CIC: variants seen among roughly 807,000 people sequenced by gnomAD.
CIC encodes capicua transcriptional repressor, also known as protein capicua homolog.
Under a neutral mutation model 115.7 loss-of-function variants are expected in CIC, and 18 were observed. That is an observed-to-expected ratio of 0.16 (90% CI 0.11 to 0.23). CIC has a LOEUF of 0.23. CIC is among the 10% of genes least tolerant of loss of function. The pLI is 1.00. For missense variants in CIC, 2,000 were observed against 2,159.3 expected (o/e 0.93, Z 1.46); for synonymous variants, 1,076 against 923.0 (o/e 1.17, Z -3.01).
In CIC at chr19:42,291,586, G is replaced by C. The variant is rs756766878; in HGVS notation, c.5454G>C (p.Pro1818=). Residue 1818 remains proline (P), a synonymous_variant, in exon 12 of 21, where the codon CCG becomes CCC. Coordinates refer to ENST00000681038, the MANE Select transcript of CIC (RefSeq NM_001386298.1). ...AGTCAGTTTCTCCCGTGCAGGCCCC[G>C]CCCCCGGGTGGCTCAGCCCAGCTGC... ...KAQSVSPVQA[P]PPGGSAQLLP... 4 of 1,612,934 alleles carry C rather than the reference G, an allele frequency of 2.5e-6. No individual in the cohort carries two copies. The highest frequency in any genetic ancestry group is 1.3e-5 in the African/African-American group (1 of 75,002).
intron 2 of CIC, among the ~76,000 whole-genome samples, chr19:42,276,151 G>C (rs535164279): frequency 6.6e-6 from 1 of 152,356 alleles, no homozygotes; most frequent in Non-Finnish European, 1.5e-5. Context: ...TCTTCAGGCA[G>C]AGGAAAGAGT....
chr19:42,294,252 C>T lies in CIC; in HGVS notation c.7002C>T (p.Asn2334=), dbSNP rs1174009516. 2.5e-6 allele frequency: 4 copies of T among 1,613,774 alleles called. No individual in the cohort carries two copies. The highest frequency in any genetic ancestry group is 1.6e-4 in the Middle Eastern group (1 of 6,062). ...RRRSSCSSEP[N]TPKSAKCEGD... ...GCTCCAGCTGCAGCTCGGAGCCCAA[C>T]ACCCCCAAGAGTGCCAAGTGCGAGG... Residue 2334 remains asparagine (N), a synonymous_variant, in exon 19 of 21, where the codon AAC becomes AAT. Coordinates refer to ENST00000681038, the MANE Select transcript of CIC (RefSeq NM_001386298.1).
chr19:42,287,766 G>C lies in CIC; in HGVS notation c.3492+39G>C. The C allele has an allele frequency of 2.5e-6, 4 of 1,614,130 alleles. No individual in the cohort carries two copies. Among genetic ancestry groups the C allele is most frequent in the Non-Finnish European group, 2.5e-6 (3 of 1,180,016 alleles). On this transcript the variant is annotated intron_variant, in intron 6 of 20. Coordinates refer to ENST00000681038, the MANE Select transcript of CIC (RefSeq NM_001386298.1). The surrounding 1 kb of genome is among the most constrained non-coding windows in gnomAD (Gnocchi z 8.7). The stretch of plus-strand genomic sequence containing the variant: ...CTCTTGGCTCCTCCCAGCTTCTTCT[G>C]GTGGGGTGGGTGAGTGAAGGGTTGC...
chr19:42,292,923 G>T (rs767940946), intron 15 of CIC, 33 bp from the exon 16 acceptor site: 7 of 1,613,900 alleles, frequency 4.3e-6, no homozygotes, highest in Middle Eastern at 1.6e-4. Flanking sequence ...CTCCAGTCAG[G>T]CCTGGCTCAG....
intron 12 of CIC, 53 bp downstream of exon 12, chr19:42,291,798 C>A: frequency 6.3e-7 from 1 of 1,598,344 alleles, no homozygotes; most frequent in Non-Finnish European, 8.6e-7. Flanking sequence ...TGTACCCCAT[C>A]ATTTCTTTGT....
rs768827388 is a variant in CIC at position 42,291,594 on chromosome 19, G to A, written c.5462G>A (p.Gly1821Asp). Residue 1821 changes from glycine (G) to aspartate (D), a missense_variant, in exon 12 of 21, where the codon GGT (glycine) becomes GAT (aspartate). Around this residue, in one of 8 missense-constraint regions of CIC, gnomAD observed 1,466 missense variants for 1,390.4 expected, o/e 1.05. Coordinates refer to ENST00000681038, the MANE Select transcript of CIC (RefSeq NM_001386298.1). ...SVSPVQAPPP[G>D]GSAQLLPGKV... ...TCTCCCGTGCAGGCCCCGCCCCCGG[G>A]TGGCTCAGCCCAGCTGCTGCCTGGG... 7 of 1,613,002 alleles carry A rather than the reference G, an allele frequency of 4.3e-6. No individual in the cohort carries two copies. The highest frequency in any genetic ancestry group is 5.9e-6 in the Non-Finnish European group (7 of 1,179,984).
At position 42,287,984 on chromosome 19, in the gene CIC, G is replaced by T. The variant is rs749161765; in HGVS notation, c.3658+9G>T. The T allele has an allele frequency of 6.3e-7, 1 of 1,581,824 alleles. No homozygotes were observed. The highest frequency in any genetic ancestry group is 1.3e-5 in the African/African-American group (1 of 74,598). Reference sequence around the variant, plus strand: ...TGCTGCTGCCCCTGGGGGTTAGTCAGCCCCTTGGCTCTCCCACCCTGCCAC... The same window carrying T: ...TGCTGCTGCCCCTGGGGGTTAGTCATCCCCTTGGCTCTCCCACCCTGCCAC... On this transcript the variant is annotated intron_variant, in intron 7 of 20. Coordinates refer to ENST00000681038, the MANE Select transcript of CIC (RefSeq NM_001386298.1). This position sits in a 1 kb window ranked among gnomAD's most constrained non-coding sequence, Gnocchi z 8.7.
intron 10 of CIC, 47 bp downstream of exon 10, chr19:42,289,998 C>A: frequency 6.7e-7 from 1 of 1,497,558 alleles, no homozygotes; most frequent in South Asian, 1.2e-5. Context: ...CCCTCCTAAG[C>A]CATGGGAATG....
chr19:42,283,821 C>T (rs2037386140), intron 2 of CIC, among the ~76,000 whole-genome samples: 1 of 152,080 alleles, frequency 6.6e-6, no homozygotes, highest in African/African-American at 2.4e-5. Context: ...CCTACCGCGG[C>T]CCCGCCCCCG....
At chr19:42,288,850 GCTTA>G in intron 7 of CIC, 34 bp from the exon 8 acceptor site, 16 of 1,576,758 alleles carry the variant, frequency 1.0e-5, no homozygotes, top group Non-Finnish European at 1.2e-5. Flanking sequence ...CTGGTGACAG[GCTTA>G]CTGACTGTCA....
chr19:42,290,579 A>G lies in CIC; in HGVS notation c.4538A>G (p.Glu1513Gly), dbSNP rs766168279. 6.2e-7 allele frequency: 1 copy of G among 1,613,682 alleles called. No homozygotes were observed. Among genetic ancestry groups the G allele is most frequent in the East Asian group, 2.2e-5 (1 of 44,850 alleles). Residue 1513 changes from glutamate to glycine, a missense_variant, in exon 11 of 21, where the codon GAA becomes GGA. Physicochemically the swap from Glu to Gly is moderately conservative, Grantham distance 98. Coordinates refer to ENST00000681038, the MANE Select transcript of CIC (RefSeq NM_001386298.1). ...DPATFRRKRPESVGGLEPPGP... is the reference protein window; with the variant it reads ...DPATFRRKRPGSVGGLEPPGP... ...GCCACCTTCCGGCGCAAGAGACCCG[A>G]AAGTGTGGGTGGCCTGGAGCCACCA...
chr19:42,281,560 A>G (rs1055181884), intron 2 of CIC, among the ~76,000 whole-genome samples: 7 of 152,176 alleles, frequency 4.6e-5, no homozygotes, highest in African/African-American at 1.4e-4. Context: ...GGAGGCCCCA[A>G]TTAGGGTTGG....
chr19:42,276,090 T>C (rs1374419263), intron 2 of CIC, among the ~76,000 whole-genome samples: 1 of 152,192 alleles, frequency 6.6e-6, no homozygotes, highest in Admixed American at 6.5e-5. Context: ...GCCTATGAAC[T>C]GAAACCTGAA....
At chr19:42,289,804 C>T (rs542778476) in intron 9 of CIC, 44 bp from the exon 10 acceptor site, 2 of 1,477,746 alleles carry the variant, frequency 1.4e-6, no homozygotes, top group African/African-American at 1.4e-5. Context: ...CTGGGTCCCC[C>T]TGCATCTAGC....
At chr19:42,289,722 G>C in intron 9 of CIC, 126 bp from the exon 10 acceptor site, 1 of 868,952 alleles carries the variant, frequency 1.2e-6, no homozygotes, top group South Asian at 1.5e-5. Context: ...CTGGGCTGAG[G>C]AGTAGCCTTC....
rs2037710739 is a variant in CIC, at chr19:42,287,120, C to T, written c.3059C>T (p.Pro1020Leu). The T allele has an allele frequency of 6.2e-7, 1 of 1,613,632 alleles. No individual in the cohort carries two copies. The highest frequency in any genetic ancestry group is 8.5e-7 in the Non-Finnish European group (1 of 1,179,962). Residue 1020 changes from proline to leucine, a missense_variant, in exon 4 of 21, where the codon CCA (proline) becomes CTA (leucine). By Grantham distance (98) the Pro-to-Leu change is moderately conservative (BLOSUM62 -3). Transcript: ENST00000681038. This position sits in a 1 kb window ranked among gnomAD's most constrained non-coding sequence, Gnocchi z 8.7. The part of the protein sequence containing the change: ...TCPESPGPGP[P>L]HPLGVVESGK... ...CCTGAGAGCCCAGGACCCGGACCCC[C>T]ACACCCTTTGGGGGTGGTGGAATCT...
chr19:42,279,256 C>G (rs1307953345), intron 2 of CIC, among the ~76,000 whole-genome samples: 2 of 152,210 alleles, frequency 1.3e-5, no homozygotes, highest in Non-Finnish European at 2.9e-5. Flanking sequence ...CTATCTCCAC[C>G]AGCAGAAGCC....
intron 9 of CIC, 106 bp from the exon 10 acceptor site, chr19:42,289,742 A>C: frequency 2.0e-6 from 2 of 1,019,528 alleles, no homozygotes; most frequent in South Asian, 1.4e-5. Context: ...CCTGGACAGC[A>C]CTCCCTGCCG....
Position 42,287,483 on chromosome 19 carries a change from G to T in CIC, c.3309+34G>T, listed in dbSNP as rs771542960. The T allele has an allele frequency of 6.2e-7, 1 of 1,612,102 alleles. No individual in the cohort carries two copies. The highest frequency in any genetic ancestry group is 1.1e-5 in the South Asian group (1 of 91,080). ...TCCCTGCCTGTCCTGTGCTCACCCC[G>T]TGGCCACCCACACCTGTCTGCCAGG... is the stretch of plus-strand genomic sequence containing the variant. On this transcript the variant is annotated intron_variant, in intron 5 of 20. Transcript: ENST00000681038. This position sits in a 1 kb window ranked among gnomAD's most constrained non-coding sequence, Gnocchi z 8.7.
Sources: gnomAD v4.1 joint callset for allele counts (sites outside exome capture counted in the v4.1 genomes callset) on GRCh38, gnomAD v4.1.1 for gene constraint, gnomAD v4.1.1 regional missense constraint, Gnocchi (gnomAD v3.1) non-coding constraint, MANE v1.5 for transcripts, NCBI Gene and HGNC (gene_info 2026-07-23, HGNC 2026-07-21) for gene names.